SCAPER: variants seen among roughly 807,000 people sequenced by gnomAD.
SCAPER encodes S-phase cyclin A associated protein in the ER.
Under a neutral mutation model 182.2 loss-of-function variants are expected in SCAPER, and 98 were observed. The ratio of observed to expected loss-of-function variants is 0.54; its 90% confidence interval spans 0.46 to 0.64. The LOEUF (loss-of-function observed/expected upper bound fraction) is 0.64. Among genes scored for constraint, SCAPER ranks in the 30% least tolerant of loss-of-function variants. The pLI is 0.00. For missense variants in SCAPER, 1,432 were observed against 1,690.0 expected, an observed-to-expected ratio of 0.85 and a Z score of 2.68; for synonymous variants, 605 against 564.6, an observed-to-expected ratio of 1.07 and a Z score of -1.01.
At chr15:76,703,780 G>A (rs1345431015) in intron 18 of SCAPER, among the ~76,000 whole-genome samples, 1 of 152,154 alleles carries the variant, frequency 6.6e-6, no homozygotes, top group Non-Finnish European at 1.5e-5. Context: ...TGAATTTAAA[G>A]TAAATGAAGA....
intron 15 of SCAPER, among the ~76,000 whole-genome samples, chr15:76,745,526 T>A (rs2061749707): frequency 1.3e-5 from 2 of 152,042 alleles, no homozygotes; most frequent in South Asian, 4.1e-4. Context: ...GTACAATATA[T>A]CCATGTAACA....
At chr15:76,868,737 C>T (rs1469243438) in intron 2 of SCAPER, among the ~76,000 whole-genome samples, 1 of 152,032 alleles carries the variant, frequency 6.6e-6, no homozygotes, top group South Asian at 2.1e-4. Flanking sequence ...TCAATGCAAT[C>T]CCTTTTCAAA....
intron 2 of SCAPER, among the ~76,000 whole-genome samples, chr15:76,867,276 T>C (rs2072367695): frequency 6.6e-6 from 1 of 152,184 alleles, no homozygotes; most frequent in African/African-American, 2.4e-5. Flanking sequence ...GAAATTCTTG[T>C]ATCTTTTTTC....
At chr15:76,733,593 A>T (rs1443020729) in intron 15 of SCAPER, among the ~76,000 whole-genome samples, 2 of 152,054 alleles carry the variant, frequency 1.3e-5, no homozygotes, top group East Asian at 3.9e-4. Context: ...TACTAAAAAA[A>T]AAAAAGAAAA....
intron 23 of SCAPER, among the ~76,000 whole-genome samples, chr15:76,571,621 T>C (rs2047440472): frequency 6.6e-6 from 1 of 152,150 alleles, no homozygotes; most frequent in African/African-American, 2.4e-5. Flanking sequence ...AAAGCATCCA[T>C]GTTTTGAGGT....
At chr15:76,452,400 T>C (rs1193221856) in intron 25 of SCAPER, among the ~76,000 whole-genome samples, 1 of 152,238 alleles carries the variant, frequency 6.6e-6, no homozygotes, top group Non-Finnish European at 1.5e-5. Context: ...TTCCTAAATC[T>C]TCATATTAAA....
chr15:76,766,015 C>T (rs1186396189), intron 11 of SCAPER, among the ~76,000 whole-genome samples: 1 of 152,134 alleles, frequency 6.6e-6, no homozygotes, highest in Non-Finnish European at 1.5e-5. Flanking sequence ...TATTCTTTAA[C>T]AAATTCCCAT....
chr15:76,700,014 G>A (rs890969847), intron 20 of SCAPER, among the ~76,000 whole-genome samples: 13 of 152,178 alleles, frequency 8.5e-5, no homozygotes, highest in African/African-American at 2.9e-4. Context: ...GAAGCTCTCC[G>A]ATGGTCAGGC....
At chr15:76,545,146 C>T (rs528586038) in intron 23 of SCAPER, among the ~76,000 whole-genome samples, 6 of 152,062 alleles carry the variant, frequency 3.9e-5, no homozygotes, top group East Asian at 1.9e-4. Flanking sequence ...TATGAATTCA[C>T]GGATTTTTAT....
intron 5 of SCAPER, among the ~76,000 whole-genome samples, chr15:76,814,097 G>A (rs2066882634): frequency 6.6e-6 from 1 of 152,274 alleles, no homozygotes; most frequent in South Asian, 2.1e-4. Flanking sequence ...GAACCCGGGA[G>A]GCAGAGGCTG....
intron 8 of SCAPER, among the ~76,000 whole-genome samples, chr15:76,786,125 G>C (rs1010417163): frequency 1.3e-5 from 2 of 151,928 alleles, no homozygotes; most frequent in Non-Finnish European, 2.9e-5. Flanking sequence ...TGAGGAGTTT[G>C]AGACTAGCCT....
chr15:76,465,374 T>C (rs2142993131), intron 25 of SCAPER, among the ~76,000 whole-genome samples: 1 of 152,224 alleles, frequency 6.6e-6, no homozygotes, highest in East Asian at 1.9e-4. Flanking sequence ...GTCCTCATGA[T>C]GGAATCACCT....
chr15:76,709,334 C>G (rs2059439878), intron 17 of SCAPER, among the ~76,000 whole-genome samples: 1 of 152,078 alleles, frequency 6.6e-6, no homozygotes, highest in Non-Finnish European at 1.5e-5. Flanking sequence ...TGGGGTTTCA[C>G]CATGTTGGCC....
intron 22 of SCAPER, among the ~76,000 whole-genome samples, chr15:76,577,292 C>T (rs572861715): frequency 1.3e-5 from 2 of 152,126 alleles, no homozygotes; most frequent in South Asian, 4.2e-4. Flanking sequence ...GCAAAAAATA[C>T]AAAAATTAGC....
At chr15:76,892,694 G>T (rs1006998756) in intron 1 of SCAPER, among the ~76,000 whole-genome samples, 1 of 152,222 alleles carries the variant, frequency 6.6e-6, no homozygotes, top group Non-Finnish European at 1.5e-5. Context: ...AGGATGTGGA[G>T]AAATAGGAAT....
chr15:76,574,710 C>T (rs1329765190), intron 22 of SCAPER, among the ~76,000 whole-genome samples: 1 of 152,114 alleles, frequency 6.6e-6, no homozygotes, highest in Non-Finnish European at 1.5e-5. Flanking sequence ...GTTGAACTTC[C>T]AAATGTTTGT....
At chr15:76,794,101 T>C (rs2065169869) in intron 8 of SCAPER, among the ~76,000 whole-genome samples, 2 of 152,200 alleles carry the variant, frequency 1.3e-5, no homozygotes, top group Non-Finnish European at 2.9e-5. Context: ...ATGGCATAAC[T>C]CGCTGTGTAT....
At chr15:76,883,960 C>T (rs1410153445) in intron 1 of SCAPER, 84 bp from the exon 2 acceptor site, 1 of 668,862 alleles carries the variant, frequency 1.5e-6, no homozygotes, top group Non-Finnish European at 2.4e-6. Flanking sequence ...ATCTCATCCC[C>T]ACACTTACAT....
chr15:76,721,303 G>C (rs972754151), intron 17 of SCAPER, among the ~76,000 whole-genome samples: 1 of 152,124 alleles, frequency 6.6e-6, no homozygotes, highest in Admixed American at 6.5e-5. Context: ...TTTGGTACCA[G>C]TACCATGCTG....
Sources: gnomAD v4.1 joint callset for allele counts (sites outside exome capture counted in the v4.1 genomes callset) on GRCh38, gnomAD v4.1.1 for gene constraint, MANE v1.5 for transcripts, NCBI Gene and HGNC (gene_info 2026-07-23, HGNC 2026-07-21) for gene names.